IQCK: variants seen among roughly 807,000 people sequenced by gnomAD.
The protein encoded by IQCK is IQ domain-containing protein K.
Under a neutral mutation model 28.1 loss-of-function variants are expected in IQCK, and 29 were observed. The observed-to-expected ratio is 1.03, with a 90% confidence interval of 0.77 to 1.41. The LOEUF (loss-of-function observed/expected upper bound fraction) is 1.41. IQCK is among the 40% of genes most tolerant of loss of function. The probability of loss-of-function intolerance (pLI) is 0.00; values close to 1 mark genes in which losing one functional copy is unlikely to be tolerated. For synonymous variants in IQCK, 113 were observed against 115.1 expected (o/e 0.98, Z 0.12); for missense variants, 359 against 314.7 (o/e 1.14, Z -1.07).
At position 19,850,292 on chromosome 16, in the gene IQCK, A is replaced by G. The variant is rs1315407729; in HGVS notation, c.803-6195A>G. Reference sequence around the variant, plus strand: ...AAGAGCAGCAGCAGCCAGACAGCTCACAGCGTAACCTTGAGCAAGTTGCAT... The same window carrying G: ...AAGAGCAGCAGCAGCCAGACAGCTCGCAGCGTAACCTTGAGCAAGTTGCAT... On this transcript the variant is annotated intron_variant, in intron 9 of 9. Transcript: ENST00000320394. 2.0e-5 allele frequency among the ~76,000 whole-genome samples: 3 copies of G among 152,198 alleles called. No homozygotes were observed. The East Asian group carries it at 5.8e-4, about 29-fold the overall frequency.
At chr16:19,779,643 C>G (rs2055447382) in intron 6 of IQCK, among the ~76,000 whole-genome samples, 1 of 151,892 alleles carries the variant, frequency 6.6e-6, no homozygotes, top group Non-Finnish European at 1.5e-5. Flanking sequence ...TCTCATTTCA[C>G]CATTAGGATT....
At chr16:19,850,253 C>G (rs1172965387) in intron 9 of IQCK, among the ~76,000 whole-genome samples, 1 of 152,076 alleles carries the variant, frequency 6.6e-6, no homozygotes, top group Non-Finnish European at 1.5e-5. Flanking sequence ...GAGATCTTGA[C>G]CCTGTAGAGT....
intron 9 of IQCK, among the ~76,000 whole-genome samples, chr16:19,848,720 C>T (rs1303117326): frequency 1.3e-5 from 2 of 152,102 alleles, no homozygotes; most frequent in African/African-American, 4.8e-5. Context: ...ACCTATAGCT[C>T]AAATGAGGAA....
intron 6 of IQCK, among the ~76,000 whole-genome samples, chr16:19,772,383 A>G (rs909429865): frequency 2.0e-5 from 3 of 152,160 alleles, no homozygotes; most frequent in Non-Finnish European, 2.9e-5. Context: ...TTGGATCCCA[A>G]TTCAAAAAAA....
chr16:19,738,378 A>G (rs1008695052), intron 4 of IQCK, among the ~76,000 whole-genome samples: 2 of 152,170 alleles, frequency 1.3e-5, no homozygotes, highest in Non-Finnish European at 2.9e-5. Flanking sequence ...TTGATGGAGG[A>G]GAACAGTGAG....
At chr16:19,816,291 C>CT (rs945776693) in intron 7 of IQCK, among the ~76,000 whole-genome samples, 3 of 151,962 alleles carry the variant, frequency 2.0e-5, no homozygotes, top group East Asian at 1.9e-4. Context: ...AGCAACACTT[C>CT]TTTTTTTTGA....
chr16:19,807,038 C>T (rs905259551), intron 7 of IQCK, among the ~76,000 whole-genome samples: 5 of 152,170 alleles, frequency 3.3e-5, no homozygotes, highest in African/African-American at 1.2e-4. Context: ...TGTGCCACAT[C>T]CAAGATTAGG....
At chr16:19,741,217 G>A (rs1359874195) in intron 4 of IQCK, among the ~76,000 whole-genome samples, 1 of 152,084 alleles carries the variant, frequency 6.6e-6, no homozygotes, top group Non-Finnish European at 1.5e-5. Context: ...AATGAATAAG[G>A]AGAAATGGCT....
At chr16:19,721,012 GA>G (rs1174204582) in intron 1 of IQCK, among the ~76,000 whole-genome samples, 4,509 of 114,830 alleles carry the variant, frequency 0.039, 193 homozygotes, top group African/African-American at 0.13. Flanking sequence ...AATCCGTCTA[GA>G]AAAAAAAAAA....
chr16:19,804,643 T>C (rs1251057142), intron 7 of IQCK, among the ~76,000 whole-genome samples: 1 of 152,024 alleles, frequency 6.6e-6, no homozygotes, highest in Non-Finnish European at 1.5e-5. Context: ...CCATGTTGCC[T>C]GGTCTGAAAC....
chr16:19,853,593 T>G (rs551389750), intron 9 of IQCK, among the ~76,000 whole-genome samples: 1 of 152,260 alleles, frequency 6.6e-6, no homozygotes, highest in East Asian at 1.9e-4. Context: ...CTCCAGCTAT[T>G]AATTGCCTCC....
At chr16:19,828,358 C>G (rs1325568200), downstream of IQCK, among the ~76,000 whole-genome samples, 1 of 149,934 alleles carries the variant, frequency 6.7e-6, no homozygotes, top group East Asian at 2.0e-4. Flanking sequence ...CTCAGCCTCC[C>G]GAGTAGCTGG....
In IQCK at chr16:19,727,618, A is replaced by T. The variant is rs986878570; in HGVS notation, c.182-2812A>T. On this transcript the variant is annotated intron_variant, in intron 1 of 7. Transcript: ENST00000564186. ...CCCCCAAAAAAAAAGATTTGGTTGG[A>T]TCTATGCCATATCTAACAATGGTTG... 2.1e-5 allele frequency among the ~76,000 whole-genome samples: 3 copies of T among 141,442 alleles called. No individual in the cohort carries two copies. The East Asian group carries it at 7.1e-4, about 34-fold the overall frequency. The allele number at this position is 141,442 out of a possible 152,430, so 92.8% of individuals were successfully genotyped here.
chr16:19,728,183 G>T (rs1437647914), intron 1 of IQCK, among the ~76,000 whole-genome samples: 1 of 152,016 alleles, frequency 6.6e-6, no homozygotes, highest in Non-Finnish European at 1.5e-5. Flanking sequence ...TCTAAGAGTT[G>T]AGAGGGACCC....
At chr16:19,776,595 G>A (rs2055398530) in intron 6 of IQCK, among the ~76,000 whole-genome samples, 6 of 152,180 alleles carry the variant, frequency 3.9e-5, no homozygotes, top group Admixed American at 3.9e-4. Context: ...TAATACGCCA[G>A]CTACTTGGGA....
At chr16:19,747,298 G>T (rs1301942093) in intron 4 of IQCK, among the ~76,000 whole-genome samples, 2 of 152,062 alleles carry the variant, frequency 1.3e-5, no homozygotes, top group Non-Finnish European at 2.9e-5. Flanking sequence ...GTTCCATGTG[G>T]TCTCTCATCC....
intron 4 of IQCK, among the ~76,000 whole-genome samples, chr16:19,749,021 CTT>C (rs1202921820): frequency 6.6e-6 from 1 of 152,114 alleles, no homozygotes; most frequent in Non-Finnish European, 1.5e-5. Context: ...AAGAATGTAT[CTT>C]AAAGTAAATC....
chr16:19,853,477 T>TA (rs1312067222), intron 9 of IQCK, among the ~76,000 whole-genome samples: 1 of 152,086 alleles, frequency 6.6e-6, no homozygotes, highest in East Asian at 1.9e-4. Flanking sequence ...AGGAATTGGG[T>TA]AAAATACCAG....
intron 1 of IQCK, among the ~76,000 whole-genome samples, chr16:19,725,092 A>G (rs1977613671): frequency 6.6e-6 from 1 of 152,226 alleles, no homozygotes; most frequent in Non-Finnish European, 1.5e-5. Context: ...ATGTTCATTT[A>G]ATATGCATAT....
Sources: gnomAD v4.1 joint callset for allele counts (sites outside exome capture counted in the v4.1 genomes callset) on GRCh38, gnomAD v4.1.1 for gene constraint, MANE v1.5 for transcripts, NCBI Gene and HGNC (gene_info 2026-07-23, HGNC 2026-07-21) for gene names.